Variants in HAS3 observed in about 807,000 individuals in gnomAD.
HAS3 encodes the protein hyaluronan synthase 3.
HAS3 carries 27 observed loss-of-function variants against 50.3 expected under a neutral mutation model. That is an observed-to-expected ratio of 0.54 (90% CI 0.40 to 0.74). HAS3 has a LOEUF of 0.74. Among genes scored for constraint, HAS3 ranks in the 30% least tolerant of loss-of-function variants. The probability of loss-of-function intolerance (pLI) is 0.00; values close to 1 mark genes in which losing one functional copy is unlikely to be tolerated. For synonymous variants in HAS3, 339 were observed against 310.9 expected (o/e 1.09, Z -0.95); for missense variants, 517 against 742.8 (o/e 0.70, Z 3.53).
chr16:69,113,400 G>A (rs780360498), intron 2 of HAS3, 41 bp from the exon 3 acceptor site: 46 of 1,334,342 alleles, frequency 3.4e-5, no homozygotes, highest in Non-Finnish European at 5.0e-5. Context: ...GGGTGTGCAG[G>A]TCTGAGGTCA....
chr16:69,104,116 C>T (rs1417495989), upstream of HAS3, among the ~76,000 whole-genome samples: 4 of 151,946 alleles, frequency 2.6e-5, no homozygotes, highest in Admixed American at 1.3e-4. Flanking sequence ...TTTGAGACAG[C>T]GTCTTGTTCT....
chr16:69,087,004 C>T, the HAS3 span, among the ~76,000 whole-genome samples: 1 of 152,166 alleles, frequency 6.6e-6, no homozygotes, highest in Admixed American at 6.5e-5. Context: ...CCTCCCATCC[C>T]CACCCTGCTC....
chr16:69,087,766 G>T, the HAS3 span, among the ~76,000 whole-genome samples: 1 of 145,188 alleles, frequency 6.9e-6, no homozygotes, highest in Non-Finnish European at 1.5e-5. Flanking sequence ...GCAATGGTGC[G>T]ATCTTGGCTC....
the HAS3 span, among the ~76,000 whole-genome samples, chr16:69,096,585 G>A: frequency 6.8e-6 from 1 of 146,444 alleles, no homozygotes; most frequent in Non-Finnish European, 1.5e-5. Context: ...GCCAGGCTTG[G>A]TGGCTCACAC....
At chr16:69,112,269 A>C (rs72789237) in intron 2 of HAS3, among the ~76,000 whole-genome samples, 7,772 of 152,270 alleles carry the variant, frequency 0.051, 276 homozygotes, top group Non-Finnish European at 0.078. Context: ...TAAGTGGAGG[A>C]GGCTCTGCTA....
upstream of HAS3, among the ~76,000 whole-genome samples, chr16:69,104,992 G>GGTTTTTTTTTTTTTTTTTTTTTTT: frequency 2.4e-5 from 2 of 81,958 alleles, 1 homozygote. Context: ...CTGTTTTTTG[G>GGTTTTTTTTTTTTTTTTTTTTTTT]TTTTTTTTTT....
chr16:69,102,936 G>A (rs1347467360), upstream of HAS3, among the ~76,000 whole-genome samples: 1 of 151,872 alleles, frequency 6.6e-6, no homozygotes, highest in Non-Finnish European at 1.5e-5. Flanking sequence ...TTCTAAACAG[G>A]TCACTTACAA....
At chr16:69,111,157 ATTTTTTTTTTT>A (rs71148963) in intron 2 of HAS3, among the ~76,000 whole-genome samples, 2,366 of 62,298 alleles carry the variant, frequency 0.038, 57 homozygotes, top group Non-Finnish European at 0.053. Context: ...CTAGGCCAGG[ATTTTTTTTTTT>A]TTTTTTTTTT....
At chr16:69,117,792 C>G (rs757502383), downstream of HAS3, 29 of 219,504 alleles carry the variant, frequency 1.3e-4, no homozygotes, top group Non-Finnish European at 2.2e-4. Context: ...GTAACTACAC[C>G]CATGGGGGCT....
chr16:69,103,412 T>C (rs1319787560), upstream of HAS3, among the ~76,000 whole-genome samples: 1 of 152,168 alleles, frequency 6.6e-6, no homozygotes, highest in Admixed American at 6.5e-5. Context: ...TTCTTTCTTT[T>C]GAGATGGAGT....
At chr16:69,104,997 T>G (rs912747737), upstream of HAS3, among the ~76,000 whole-genome samples, 2 of 67,524 alleles carry the variant, frequency 3.0e-5, no homozygotes, top group Non-Finnish European at 6.4e-5. Context: ...TTTTGGTTTT[T>G]TTTTTTTTTT....
At chr16:69,098,058 G>C in the HAS3 span, among the ~76,000 whole-genome samples, 1 of 152,144 alleles carries the variant, frequency 6.6e-6, no homozygotes, top group Non-Finnish European at 1.5e-5. Context: ...ATCCATGTAT[G>C]ATAGAGACTG....
chr16:69,110,150 A>G (rs1218018629), intron 2 of HAS3, 119 bp downstream of exon 2: 1 of 1,033,920 alleles, frequency 9.7e-7, no homozygotes, highest in Non-Finnish European at 1.4e-6. Flanking sequence ...ACACCTGTGC[A>G]CTTAAGAAGG....
At chr16:69,117,782 G>GTAAC (rs1368425847), downstream of HAS3, 2 of 259,736 alleles carry the variant, frequency 7.7e-6, no homozygotes, top group African/African-American at 4.6e-5. Flanking sequence ...GTCCATCCTG[G>GTAAC]TAACTACACC....
the HAS3 span, among the ~76,000 whole-genome samples, chr16:69,086,162 C>G: frequency 2.6e-5 from 4 of 151,442 alleles, no homozygotes; most frequent in African/African-American, 9.7e-5. Context: ...GCTACCATGC[C>G]TGGCCAATTT....
In HAS3 at chr16:69,115,919, A is replaced by G. The variant is rs1169723230; in HGVS notation, c.*653A>G. ...AGCACTGAACTGCTTTTAAAAGTGCACATTAAAAAGGAAAGTTTGCCAGGA... is the reference window on the plus strand; with the variant it reads ...AGCACTGAACTGCTTTTAAAAGTGCGCATTAAAAAGGAAAGTTTGCCAGGA... On this transcript the variant is annotated 3_prime_UTR_variant, in exon 4 of 4. Coordinates refer to ENST00000569188, the MANE Select transcript of HAS3 (RefSeq NM_001199280.2). The G allele has an allele frequency of 1.0e-6, 1 of 985,730 alleles. No homozygotes were observed. Among genetic ancestry groups the G allele is most frequent in the African/African-American group, 1.7e-5 (1 of 57,228 alleles). The allele number at this position is 985,730 out of a possible 1,614,324, so 61.1% of individuals were successfully genotyped here.
Position 69,116,352 on chromosome 16 carries a change from ATGAGGAGCCTC to A in HAS3, c.*1090_*1100del, listed in dbSNP as rs754934479. ...CGTGTTCTCAGCACATATGGGAACT[ATGAGGAGCCTC>A]TGATCAAATTGGCTACAATCTTGGA... is the stretch of plus-strand genomic sequence containing the variant. On this transcript the variant is annotated 3_prime_UTR_variant, in exon 4 of 4. Transcript: ENST00000569188. 167 of 985,900 alleles carry A rather than the reference ATGAGGAGCCTC, an allele frequency of 1.7e-4. No individual in the cohort carries two copies. The Admixed American group carries it at 3.4e-3, about 20-fold the overall frequency. The allele number at this position is 985,900 out of a possible 1,614,324, so 61.1% of individuals were successfully genotyped here.
the HAS3 span, among the ~76,000 whole-genome samples, chr16:69,095,128 C>T: frequency 2.0e-5 from 3 of 151,930 alleles, no homozygotes; most frequent in Non-Finnish European, 2.9e-5. Context: ...ATTACAGGCA[C>T]GCGTCACCAC....
At chr16:69,101,140 T>A (rs1242259976), upstream of HAS3, among the ~76,000 whole-genome samples, 1 of 152,130 alleles carries the variant, frequency 6.6e-6, no homozygotes, top group East Asian at 1.9e-4. Flanking sequence ...ACATGTTCGG[T>A]AATTCCCCAT....
Sources: gnomAD v4.1 joint callset for allele counts (sites outside exome capture counted in the v4.1 genomes callset) on GRCh38, gnomAD v4.1.1 for gene constraint, MANE v1.5 for transcripts, NCBI Gene and HGNC (gene_info 2026-07-23, HGNC 2026-07-21) for gene names.